Variants in CCDC102B observed in about 807,000 individuals in gnomAD.
CCDC102B encodes the protein coiled-coil domain containing 102B, also known as coiled-coil domain-containing protein 102B.
A neutral mutation model predicts 57.4 loss-of-function variants in CCDC102B; 75 were observed. That is an observed-to-expected ratio of 1.31 (90% CI 1.08 to 1.58). The LOEUF is 1.58. Ranked by LOEUF, CCDC102B falls within the 40% of genes most tolerant of loss-of-function variation. CCDC102B has a pLI of 0.00. For missense variants in CCDC102B, 636 were observed against 582.6 expected (o/e 1.09, Z -0.94); for synonymous variants, 206 against 201.9 (o/e 1.02, Z -0.17).
chr18:68,889,205 GA>G (rs1226676073), intron 5 of CCDC102B, among the ~76,000 whole-genome samples: 1 of 152,102 alleles, frequency 6.6e-6, no homozygotes, highest in Non-Finnish European at 1.5e-5. Flanking sequence ...GGGATGTTTG[GA>G]AAGTGATTAG....
Position 68,962,958 on chromosome 18 carries a change from C to G in CCDC102B, c.1264-47976C>G, listed in dbSNP as rs2050080493. On this transcript the variant is annotated intron_variant, in intron 6 of 7. Coordinates refer to ENST00000360242, the MANE Select transcript of CCDC102B (RefSeq NM_024781.3). ...AACAATTCTTCCCATTTTTTTAAGG[C>G]ATTACTTCATTGATTCACCCTTTTA... Among the ~76,000 whole-genome samples, 5 of 152,002 alleles carry G rather than the reference C, an allele frequency of 3.3e-5. No homozygotes were observed. In the South Asian group the frequency reaches 1.0e-3, roughly 31 times the overall value.
At position 68,851,754 on chromosome 18, in the gene CCDC102B, AAT is replaced by A. The variant is rs563369114; in HGVS notation, c.936+5335_936+5336del. Among the ~76,000 whole-genome samples, 18 of 152,310 alleles carry A rather than the reference AAT, an allele frequency of 1.2e-4. No homozygotes were observed. The South Asian group carries it at 1.9e-3, about 16-fold the overall frequency. On this transcript the variant is annotated intron_variant, in intron 4 of 7. Transcript: ENST00000360242. ...TCATATTTAATTAGTCTAGACAGTT[AAT>A]AGTTTGAGGATAATGATAAAAGTAG...
chr18:68,840,685 T>G (rs975849469), intron 3 of CCDC102B, among the ~76,000 whole-genome samples: 16 of 152,176 alleles, frequency 1.1e-4, no homozygotes, highest in African/African-American at 2.7e-4. Flanking sequence ...TTTTTGGTAA[T>G]TATAGACTTC....
At chr18:69,015,112 AAAT>A (rs2051630012) in intron 7 of CCDC102B, among the ~76,000 whole-genome samples, 1 of 152,182 alleles carries the variant, frequency 6.6e-6, no homozygotes, top group African/African-American at 2.4e-5. Context: ...CTTGTTTGGC[AAAT>A]GGAATGCGTG....
intron 2 of CCDC102B, among the ~76,000 whole-genome samples, chr18:68,758,553 T>C (rs1433631066): frequency 6.6e-6 from 1 of 151,962 alleles, no homozygotes; most frequent in Non-Finnish European, 1.5e-5. Context: ...GCTGTTATAA[T>C]CTATAATGTA....
intron 6 of CCDC102B, among the ~76,000 whole-genome samples, chr18:68,949,237 C>T (rs1345002231): frequency 6.6e-6 from 1 of 152,072 alleles, no homozygotes; most frequent in South Asian, 2.1e-4. Flanking sequence ...AGGATCAATA[C>T]GTTGTATCCT....
chr18:68,998,145 G>C (rs908913131), intron 6 of CCDC102B, among the ~76,000 whole-genome samples: 2 of 151,840 alleles, frequency 1.3e-5, no homozygotes. Flanking sequence ...GTTTGCCATA[G>C]TATGAGGTTT....
chr18:68,764,912 T>C (rs1424650589), intron 2 of CCDC102B, among the ~76,000 whole-genome samples: 1 of 150,214 alleles, frequency 6.7e-6, no homozygotes, highest in East Asian at 2.0e-4. Flanking sequence ...CTGGGCGTGG[T>C]GGCACGGATC....
intron 6 of CCDC102B, among the ~76,000 whole-genome samples, chr18:69,001,010 T>C (rs1165916644): frequency 1.3e-5 from 2 of 152,174 alleles, no homozygotes; most frequent in Admixed American, 6.5e-5. Context: ...ACTAATAAGT[T>C]CATGGCCATG....
intron 1 of CCDC102B, among the ~76,000 whole-genome samples, chr18:68,815,061 A>G (rs979975577): frequency 1.4e-4 from 22 of 152,144 alleles, no homozygotes; most frequent in African/African-American, 5.3e-4. Flanking sequence ...TTAAAGCAGG[A>G]TATTTTATAT....
At chr18:68,719,351 C>A (rs890329176) in intron 2 of CCDC102B, among the ~76,000 whole-genome samples, 5 of 152,134 alleles carry the variant, frequency 3.3e-5, no homozygotes, top group African/African-American at 1.2e-4. Flanking sequence ...AGCTGGAGAA[C>A]CAGAAAGCCA....
intron 4 of CCDC102B, among the ~76,000 whole-genome samples, chr18:68,870,900 T>C (rs1268396499): frequency 6.6e-6 from 1 of 152,206 alleles, no homozygotes; most frequent in Admixed American, 6.5e-5. Context: ...TGCCTTTTTG[T>C]AATTATTTTT....
chr18:69,013,300 T>G (rs2051570116), intron 7 of CCDC102B, among the ~76,000 whole-genome samples: 1 of 152,058 alleles, frequency 6.6e-6, no homozygotes, highest in South Asian at 2.1e-4. Context: ...ATACCACATA[T>G]TCTCACTTAC....
At chr18:69,051,919 C>T (rs1280421086) in intron 7 of CCDC102B, among the ~76,000 whole-genome samples, 1 of 147,720 alleles carries the variant, frequency 6.8e-6, no homozygotes, top group South Asian at 2.1e-4. Context: ...AAGTGTAAAA[C>T]ATGAAAAAAA....
At chr18:68,816,985 T>C in intron 1 of CCDC102B, among the ~76,000 whole-genome samples, 1 of 152,332 alleles carries the variant, frequency 6.6e-6, no homozygotes, top group East Asian at 1.9e-4. Context: ...TTGTTCTGCA[T>C]TGTGAGAGAA....
intron 1 of CCDC102B, among the ~76,000 whole-genome samples, chr18:68,804,814 T>A (rs998294316): frequency 4.6e-5 from 7 of 151,992 alleles, no homozygotes; most frequent in African/African-American, 1.7e-4. Context: ...ATAATTTTTA[T>A]TTTAGAAAAT....
chr18:69,029,392 T>C (rs1171601584), intron 7 of CCDC102B, among the ~76,000 whole-genome samples: 1 of 152,202 alleles, frequency 6.6e-6, no homozygotes, highest in African/African-American at 2.4e-5. Flanking sequence ...CACTTTTTAA[T>C]GTGGCATTCT....
At chr18:68,815,260 G>A (rs577486891) in intron 1 of CCDC102B, among the ~76,000 whole-genome samples, 2 of 151,904 alleles carry the variant, frequency 1.3e-5, no homozygotes, top group Non-Finnish European at 2.9e-5. Context: ...ATACAAACAC[G>A]GAGGCAACAA....
chr18:68,841,439 A>C (rs2037625659), intron 3 of CCDC102B, among the ~76,000 whole-genome samples: 1 of 152,222 alleles, frequency 6.6e-6, no homozygotes. Context: ...CTGAGAATTT[A>C]TATATTTCTG....
Sources: allele counts gnomAD v4.1 joint callset (sites outside exome capture counted in the v4.1 genomes callset), GRCh38; gene constraint gnomAD v4.1.1; transcripts MANE v1.5; gene names NCBI Gene and HGNC (gene_info 2026-07-23, HGNC 2026-07-21).